ATXN7L1: variants seen among roughly 807,000 people sequenced by gnomAD.
ATXN7L1 encodes ataxin 7 like 1.
In ATXN7L1, 15 loss-of-function variants were observed where a neutral mutation model predicts 70.8. The observed-to-expected ratio is 0.21, with a 90% CI of 0.14 to 0.33. The LOEUF (loss-of-function observed/expected upper bound fraction) is 0.33, where lower values mean the gene tolerates loss of function less well. ATXN7L1 is among the 10% of genes least tolerant of loss of function. The pLI is 1.00. For missense variants in ATXN7L1, 975 were observed against 1,097.1 expected (o/e 0.89, Z 1.57); for synonymous variants, 440 against 445.1 (o/e 0.99, Z 0.14).
At chr7:105,831,459 A>G (rs1416298046) in intron 2 of ATXN7L1, among the ~76,000 whole-genome samples, 1 of 152,180 alleles carries the variant, frequency 6.6e-6, no homozygotes, top group Non-Finnish European at 1.5e-5. Flanking sequence ...ATCATTACAT[A>G]AGGAACATCT....
At chr7:105,793,917 C>A (rs1563098425) in intron 2 of ATXN7L1, among the ~76,000 whole-genome samples, 2 of 152,092 alleles carry the variant, frequency 1.3e-5, no homozygotes, top group Non-Finnish European at 2.9e-5. Context: ...TTGACCCCAA[C>A]CCGCTATAGA....
intron 5 of ATXN7L1, among the ~76,000 whole-genome samples, chr7:105,642,571 G>C (rs1447343243): frequency 6.6e-6 from 1 of 152,250 alleles, no homozygotes; most frequent in Non-Finnish European, 1.5e-5. Context: ...CTACAGAGTA[G>C]GTCGGTGCAG....
At chr7:105,756,827 G>A (rs753201798) in intron 3 of ATXN7L1, among the ~76,000 whole-genome samples, 39 of 152,302 alleles carry the variant, frequency 2.6e-4, no homozygotes, top group Admixed American at 1.5e-3. Context: ...GGTACCTGCA[G>A]TAAGTCCAGA....
At chr7:105,620,585 C>T (rs1174203388) in intron 8 of ATXN7L1, among the ~76,000 whole-genome samples, 3 of 152,102 alleles carry the variant, frequency 2.0e-5, no homozygotes, top group African/African-American at 7.2e-5. Context: ...TGGGATTGAG[C>T]CAGCATTTTT....
chr7:105,746,239 G>T (rs1296472578), intron 3 of ATXN7L1, among the ~76,000 whole-genome samples: 5 of 152,136 alleles, frequency 3.3e-5, no homozygotes, highest in Non-Finnish European at 7.3e-5. Context: ...CCCTTCCTGT[G>T]TCTACACTGT....
At chr7:105,749,027 C>T (rs983294188) in intron 3 of ATXN7L1, among the ~76,000 whole-genome samples, 3 of 152,168 alleles carry the variant, frequency 2.0e-5, no homozygotes, top group Admixed American at 6.5e-5. Context: ...AAGGGAACAG[C>T]TTGGGGGCAC....
chr7:105,618,717 T>C (rs1794293047), intron 9 of ATXN7L1, among the ~76,000 whole-genome samples: 2 of 152,196 alleles, frequency 1.3e-5, no homozygotes, highest in Non-Finnish European at 2.9e-5. Flanking sequence ...GGCCCAGATT[T>C]ATGTGATCCA....
intron 3 of ATXN7L1, among the ~76,000 whole-genome samples, chr7:105,747,592 G>C (rs1798723396): frequency 6.6e-6 from 1 of 152,236 alleles, no homozygotes; most frequent in African/African-American, 2.4e-5. Flanking sequence ...CAAAGAGGGT[G>C]TTGTAAGAGT....
At chr7:105,856,415 G>C (rs1024988848) in intron 2 of ATXN7L1, among the ~76,000 whole-genome samples, 1 of 151,944 alleles carries the variant, frequency 6.6e-6, no homozygotes, top group African/African-American at 2.4e-5. Context: ...GTGAAACCCT[G>C]TTTCTATTAA....
intron 3 of ATXN7L1, chr7:105,788,372 C>G: frequency 1.9e-6 from 1 of 515,662 alleles, no homozygotes. Flanking sequence ...TCCCATCGAC[C>G]GAGACAAGTT....
At chr7:105,732,980 T>G (rs1796746320) in intron 3 of ATXN7L1, among the ~76,000 whole-genome samples, 1 of 152,222 alleles carries the variant, frequency 6.6e-6, no homozygotes, top group Non-Finnish European at 1.5e-5. Context: ...CAGAGAAACC[T>G]TTGTGGTGAA....
intron 3 of ATXN7L1, among the ~76,000 whole-genome samples, chr7:105,756,963 G>A (rs547476867): frequency 6.6e-6 from 1 of 152,178 alleles, no homozygotes; most frequent in East Asian, 1.9e-4. Flanking sequence ...TTAAATACCT[G>A]TTTCGATTTG....
At chr7:105,869,500 A>G (rs1331670617) in intron 2 of ATXN7L1, among the ~76,000 whole-genome samples, 11 of 152,148 alleles carry the variant, frequency 7.2e-5, no homozygotes, top group Non-Finnish European at 1.5e-4. Flanking sequence ...GTCAGTTGCC[A>G]CCTTCTCCAA....
At chr7:105,633,946 G>C (rs1584422047) in intron 7 of ATXN7L1, among the ~76,000 whole-genome samples, 3 of 152,300 alleles carry the variant, frequency 2.0e-5, no homozygotes, top group Non-Finnish European at 4.4e-5. Context: ...ACACACACCA[G>C]GAGGAGGGAG....
rs781521927 is a variant in ATXN7L1 at position 105,638,481 on chromosome 7, C to T, written c.1074G>A (p.Thr358=). The T allele has an allele frequency of 6.4e-7, 1 of 1,552,298 alleles. No individual in the cohort carries two copies. Among genetic ancestry groups the T allele is most frequent in the Admixed American group, 2.0e-5 (1 of 51,000 alleles). ...CGGATTGGCTTGGAAGTATTTCCCTCGTGGAAGTCAGGAGATGCTCTTTAT... is the reference window on the plus strand; with the variant it reads ...CGGATTGGCTTGGAAGTATTTCCCTTGTGGAAGTCAGGAGATGCTCTTTAT... ...VKDKEHLLTS[T]REILPSQSGP... is the part of the protein sequence containing the mutation. The change falls in exon 7 of 12, where the codon ACG becomes ACA. Residue 358 remains threonine (T), a synonymous_variant. Transcript: ENST00000419735.
At chr7:105,844,993 T>A (rs1400561512) in intron 2 of ATXN7L1, among the ~76,000 whole-genome samples, 1 of 151,804 alleles carries the variant, frequency 6.6e-6, no homozygotes, top group Non-Finnish European at 1.5e-5. Flanking sequence ...TCACCTGAGG[T>A]CAGAAGTTTG....
chr7:105,663,331 T>C (rs1335938723), intron 4 of ATXN7L1, among the ~76,000 whole-genome samples: 1 of 152,204 alleles, frequency 6.6e-6, no homozygotes, highest in African/African-American at 2.4e-5. Flanking sequence ...TCCACAGCCA[T>C]GCCTACACCT....
intron 3 of ATXN7L1, among the ~76,000 whole-genome samples, chr7:105,781,490 C>T (rs1213170451): frequency 6.6e-6 from 1 of 152,190 alleles, no homozygotes; most frequent in Non-Finnish European, 1.5e-5. Context: ...GAGCATCATC[C>T]TCTGCCCTGT....
chr7:105,658,255 G>C (rs1424791903), intron 4 of ATXN7L1, among the ~76,000 whole-genome samples: 1 of 150,250 alleles, frequency 6.7e-6, no homozygotes, highest in Non-Finnish European at 1.5e-5. Flanking sequence ...CTTTTCCAAT[G>C]GATTACCCTC....
Sources: gnomAD v4.1 joint callset for allele counts (sites outside exome capture counted in the v4.1 genomes callset) on GRCh38, gnomAD v4.1.1 for gene constraint, MANE v1.5 for transcripts, NCBI Gene and HGNC (gene_info 2026-07-23, HGNC 2026-07-21) for gene names.